Variants in PDIA6 observed in about 807,000 individuals in gnomAD.
PDIA6 encodes the protein protein disulfide isomerase family A member 6, also known as protein disulfide-isomerase A6.
A neutral mutation model predicts 58.4 loss-of-function variants in PDIA6; 29 were observed. The observed-to-expected ratio is 0.50, with a 90% CI of 0.37 to 0.68. The LOEUF (loss-of-function observed/expected upper bound fraction) is 0.68. Among genes scored for constraint, PDIA6 ranks in the 30% least tolerant of loss-of-function variants. The probability of loss-of-function intolerance (pLI) is 0.00; values close to 1 mark genes in which losing one functional copy is unlikely to be tolerated. For synonymous variants in PDIA6, 192 were observed against 202.6 expected (o/e 0.95, Z 0.44); for missense variants, 480 against 551.0 (o/e 0.87, Z 1.29).
At chr2:10,827,711 C>CTACTCTGGGA (rs1572708604) in intron 1 of PDIA6, among the ~76,000 whole-genome samples, 2 of 151,846 alleles carry the variant, frequency 1.3e-5, no homozygotes, top group East Asian at 3.9e-4. Flanking sequence ...GTAATCCCAG[C>CTACTCTGGGA]TACTCAGGTG....
chr2:10,794,614 A>G (rs1274681380), intron 4 of PDIA6, among the ~76,000 whole-genome samples: 1 of 150,864 alleles, frequency 6.6e-6, no homozygotes, highest in Non-Finnish European at 1.5e-5. Context: ...ACTTTTGAGA[A>G]CACACCAGAC....
At chr2:10,819,345 G>A (rs1667316193) in exon 2 of PDIA6, 5 of 1,531,656 alleles carry the variant, frequency 3.3e-6, no homozygotes, top group African/African-American at 1.4e-5. Context: ...GGCAGGAGAA[G>A]TTGGTGAGCC....
chr2:10,794,747 T>G (rs546316017), intron 4 of PDIA6, among the ~76,000 whole-genome samples: 2 of 152,034 alleles, frequency 1.3e-5, no homozygotes, highest in African/African-American at 4.8e-5. Context: ...ACCAACATGG[T>G]GAAACCCCAT....
At chr2:10,798,234 T>G (rs1666355001) in intron 2 of PDIA6, among the ~76,000 whole-genome samples, 2 of 151,944 alleles carry the variant, frequency 1.3e-5, no homozygotes, top group Non-Finnish European at 2.9e-5. Flanking sequence ...GCAACCTGGA[T>G]GAACTCACCA....
intron 1 of PDIA6, among the ~76,000 whole-genome samples, chr2:10,807,354 G>C (rs1330500373): frequency 6.6e-6 from 1 of 152,178 alleles, no homozygotes; most frequent in Non-Finnish European, 1.5e-5. Flanking sequence ...TGGGACTACA[G>C]GTGCATCCCT....
intron 6 of PDIA6, 103 bp from the exon 7 acceptor site, chr2:10,790,936 A>G (rs1666007375): frequency 1.3e-6 from 1 of 776,472 alleles, no homozygotes; most frequent in South Asian, 1.5e-5. Flanking sequence ...TGCAGCCTCA[A>G]TCTCCTGGGC....
intron 1 of PDIA6, among the ~76,000 whole-genome samples, chr2:10,825,724 A>G (rs988690144): frequency 3.3e-5 from 5 of 152,252 alleles, no homozygotes; most frequent in African/African-American, 1.2e-4. Flanking sequence ...GCACATGAAA[A>G]GATGCTCAGC....
intron 1 of PDIA6, among the ~76,000 whole-genome samples, chr2:10,808,977 T>G (rs1275002762): frequency 6.6e-6 from 1 of 152,140 alleles, no homozygotes; most frequent in Non-Finnish European, 1.5e-5. Context: ...GCCCGGCTAA[T>G]TTTTGTATTT....
intron 1 of PDIA6, among the ~76,000 whole-genome samples, chr2:10,809,744 T>C (rs1427418655): frequency 6.6e-6 from 1 of 150,424 alleles, no homozygotes; most frequent in Non-Finnish European, 1.5e-5. Flanking sequence ...GTAAAATCGA[T>C]ATGAATTTGG....
chr2:10,820,199 T>A (rs184999712), intron 1 of PDIA6, among the ~76,000 whole-genome samples: 3 of 152,172 alleles, frequency 2.0e-5, no homozygotes, highest in Non-Finnish European at 2.9e-5. Flanking sequence ...AGAATAGCTC[T>A]CTGTTATAGA....
chr2:10,811,020 C>G (rs1392380536), intron 1 of PDIA6, among the ~76,000 whole-genome samples: 1 of 152,156 alleles, frequency 6.6e-6, no homozygotes, highest in African/African-American at 2.4e-5. Context: ...ATCTCTGTCC[C>G]ACATCTGCTA....
At chr2:10,819,732 G>A (rs1190207668) in intron 1 of PDIA6, among the ~76,000 whole-genome samples, 10 of 152,262 alleles carry the variant, frequency 6.6e-5, no homozygotes, top group Middle Eastern at 3.4e-3. Context: ...AGGTCTGACC[G>A]TAATTCCTTT....
chr2:10,813,210 C>G (rs900611293), upstream of PDIA6, among the ~76,000 whole-genome samples: 4 of 152,234 alleles, frequency 2.6e-5, no homozygotes, highest in Non-Finnish European at 5.9e-5. Flanking sequence ...CAGGGAATTC[C>G]TCTTGTGCCC....
chr2:10,826,034 C>T (rs1667547073), intron 1 of PDIA6, among the ~76,000 whole-genome samples: 1 of 152,212 alleles, frequency 6.6e-6, no homozygotes, highest in African/African-American at 2.4e-5. Flanking sequence ...GTTTTAGCAA[C>T]ATTATTCATC....
upstream of PDIA6, among the ~76,000 whole-genome samples, chr2:10,816,522 C>CTTTTTTTTTTTTTTT (rs772701227): frequency 1.8e-4 from 25 of 138,232 alleles, no homozygotes; most frequent in African/African-American, 2.8e-4. Flanking sequence ...CCTTTTTGTG[C>CTTTTTTTTTTTTTTT]TTTCTTTTTT....
intron 10 of PDIA6, among the ~76,000 whole-genome samples, chr2:10,788,094 AAG>A (rs1248737609): frequency 6.6e-6 from 1 of 151,840 alleles, no homozygotes; most frequent in Non-Finnish European, 1.5e-5. Context: ...TAAAATAGGA[AAG>A]AGATACACTG....
At chr2:10,789,975 A>G (rs1037865418) in intron 7 of PDIA6, 86 bp from the exon 8 acceptor site, 97 of 1,205,532 alleles carry the variant, frequency 8.0e-5, no homozygotes, top group Admixed American at 6.2e-4. Context: ...ACCACCTTAT[A>G]GGTAATTTTT....
At chr2:10,831,699 C>A (rs1470419550) in intron 1 of PDIA6, among the ~76,000 whole-genome samples, 2 of 152,088 alleles carry the variant, frequency 1.3e-5, no homozygotes, top group East Asian at 3.9e-4. Flanking sequence ...TAATTGATAC[C>A]AACGTCTCCT....
upstream of PDIA6, among the ~76,000 whole-genome samples, chr2:10,816,930 C>T (rs552206155): frequency 1.8e-4 from 28 of 152,292 alleles, no homozygotes; most frequent in African/African-American, 6.5e-4. Flanking sequence ...AAGGAATGTC[C>T]TCATTCAACT....
Sources: allele counts gnomAD v4.1 joint callset (sites outside exome capture counted in the v4.1 genomes callset), GRCh38; gene constraint gnomAD v4.1.1; transcripts MANE v1.5; gene names NCBI Gene and HGNC (gene_info 2026-07-23, HGNC 2026-07-21).